Variants in SSBP3 observed in about 807,000 individuals in gnomAD.
The protein encoded by SSBP3 is single-stranded DNA-binding protein 3.
SSBP3 carries 5 observed loss-of-function variants against 69.6 expected under a neutral mutation model. That is an observed-to-expected ratio of 0.07 (90% confidence interval 0.04 to 0.15). The LOEUF is 0.15. Among genes scored for constraint, SSBP3 ranks in the 10% least tolerant of loss-of-function variants. The probability of loss-of-function intolerance (pLI) is 1.00; values close to 1 mark genes in which losing one functional copy is unlikely to be tolerated. For synonymous variants in SSBP3, 196 were observed against 193.4 expected, an observed-to-expected ratio of 1.01 and a Z score of -0.11; for missense variants, 312 against 534.0, an observed-to-expected ratio of 0.58 and a Z score of 4.10.
At position 54,378,380 on chromosome 1, in the gene SSBP3, G is replaced by A. The variant is rs1319725618; in HGVS notation, c.276+23481C>T. On this transcript the variant is annotated intron_variant, in intron 4 of 17. Transcript: ENST00000610401. ...GGTGGGGCTCTGTTACAGTTTGCGC[G>A]TCCATATTTCTGGGCCACTGCACAA... Among the ~76,000 whole-genome samples, 6 of 152,270 alleles carry A rather than the reference G, an allele frequency of 3.9e-5. No individual in the cohort carries two copies. In the East Asian group the frequency reaches 5.8e-4, roughly 15 times the overall value.
chr1:54,345,239 A>G (rs561619962), intron 4 of SSBP3, among the ~76,000 whole-genome samples: 32 of 152,318 alleles, frequency 2.1e-4, no homozygotes, highest in Non-Finnish European at 4.1e-4. Context: ...TGGCTTCTTC[A>G]TGCTTATCCA....
At chr1:54,278,148 C>T (rs1377363519) in intron 5 of SSBP3, among the ~76,000 whole-genome samples, 2 of 152,172 alleles carry the variant, frequency 1.3e-5, no homozygotes, top group Non-Finnish European at 2.9e-5. Context: ...CACCAGAACA[C>T]CACTCCTGAA....
exon 18 of SSBP3, chr1:54,226,437 T>C (rs1374512656): frequency 6.5e-6 from 1 of 153,192 alleles, no homozygotes; most frequent in African/African-American, 2.4e-5. Flanking sequence ...CTCCCCTGCC[T>C]GTTGCACAAA....
chr1:54,238,793 A>ACC, intron 14 of SSBP3: 1 of 349,056 alleles, frequency 2.9e-6, no homozygotes, highest in Non-Finnish European at 5.5e-6. Flanking sequence ...CCCGGGCCAC[A>ACC]GCCAGTTTGC....
At chr1:54,371,069 CAGA>C (rs1436634963) in intron 4 of SSBP3, among the ~76,000 whole-genome samples, 1 of 152,114 alleles carries the variant, frequency 6.6e-6, no homozygotes, top group African/African-American at 2.4e-5. Context: ...AGACTGCTGC[CAGA>C]AGACCACCCA....
At chr1:54,248,672 A>AC (rs1484811615) in intron 9 of SSBP3, among the ~76,000 whole-genome samples, 1 of 151,984 alleles carries the variant, frequency 6.6e-6, no homozygotes, top group Non-Finnish European at 1.5e-5. Context: ...GTGACCACAG[A>AC]CCCTGTAATC....
chr1:54,237,480 G>A (rs1186612418), intron 14 of SSBP3: 2 of 152,200 alleles, frequency 1.3e-5, no homozygotes, highest in Non-Finnish European at 2.9e-5. Flanking sequence ...AGACTTGAGA[G>A]ACTCAATGTC....
intron 4 of SSBP3, among the ~76,000 whole-genome samples, chr1:54,398,978 T>C (rs1013480033): frequency 3.9e-5 from 6 of 152,222 alleles, no homozygotes; most frequent in African/African-American, 1.4e-4. Flanking sequence ...TTCTAAAAAG[T>C]AGTTAAGGCA....
At chr1:54,386,561 G>C (rs1028110172) in intron 4 of SSBP3, among the ~76,000 whole-genome samples, 1 of 151,798 alleles carries the variant, frequency 6.6e-6, no homozygotes, top group African/African-American at 2.4e-5. Flanking sequence ...GGGAAGCAAC[G>C]ACACAGCATC....
intron 4 of SSBP3, among the ~76,000 whole-genome samples, chr1:54,328,854 A>G (rs1323515818): frequency 1.3e-5 from 2 of 152,206 alleles, no homozygotes; most frequent in Admixed American, 1.3e-4. Context: ...CAGGCACTGC[A>G]TCAGGAACGC....
intron 4 of SSBP3, among the ~76,000 whole-genome samples, chr1:54,391,498 C>T (rs543314828): frequency 1.3e-5 from 2 of 152,308 alleles, no homozygotes; most frequent in East Asian, 1.9e-4. Flanking sequence ...GAGCTCAAAG[C>T]GCTGCAGCAG....
intron 4 of SSBP3, among the ~76,000 whole-genome samples, chr1:54,367,008 G>A (rs980804184): frequency 1.3e-5 from 2 of 152,164 alleles, no homozygotes; most frequent in Admixed American, 1.3e-4. Flanking sequence ...AGGGAACTGT[G>A]CTATTATTTA....
intron 5 of SSBP3, among the ~76,000 whole-genome samples, chr1:54,267,159 T>C (rs1162308491): frequency 1.3e-5 from 2 of 152,186 alleles, no homozygotes; most frequent in Non-Finnish European, 2.9e-5. Context: ...ATGGCTGTGG[T>C]TGGGAAGGGC....
At chr1:54,316,661 AAAAT>A (rs201860772) in intron 4 of SSBP3, among the ~76,000 whole-genome samples, 24,693 of 60,610 alleles carry the variant, frequency 0.41, 4,196 homozygotes, top group Middle Eastern at 0.49. Context: ...AAAAAAAAAT[AAAAT>A]AAATAAATAA....
At chr1:54,348,092 T>G (rs1412839457) in intron 4 of SSBP3, among the ~76,000 whole-genome samples, 1 of 151,760 alleles carries the variant, frequency 6.6e-6, no homozygotes, top group Non-Finnish European at 1.5e-5. Context: ...GCAAACACCA[T>G]CCGGAGAGGT....
chr1:54,310,926 T>C (rs1177174474), intron 4 of SSBP3, among the ~76,000 whole-genome samples: 4 of 152,194 alleles, frequency 2.6e-5, no homozygotes, highest in Non-Finnish European at 4.4e-5. Context: ...CTTTTGGGTC[T>C]GGGTCTCCGT....
chr1:54,289,277 G>C (rs1228106430), intron 4 of SSBP3, among the ~76,000 whole-genome samples: 1 of 151,796 alleles, frequency 6.6e-6, no homozygotes, highest in Non-Finnish European at 1.5e-5. Flanking sequence ...TCACCAAGGG[G>C]TGTGTATGTG....
At chr1:54,350,075 G>A (rs911080865) in intron 4 of SSBP3, among the ~76,000 whole-genome samples, 1 of 152,068 alleles carries the variant, frequency 6.6e-6, no homozygotes, top group Non-Finnish European at 1.5e-5. Context: ...GCCAACCTGG[G>A]ACTATGAAAA....
intron 5 of SSBP3, among the ~76,000 whole-genome samples, chr1:54,281,048 C>G: frequency 6.6e-6 from 1 of 152,162 alleles, no homozygotes; most frequent in African/African-American, 2.4e-5. Context: ...ACAAAAGCAG[C>G]AGCAACAAAA....
Sources: allele counts gnomAD v4.1 joint callset (sites outside exome capture counted in the v4.1 genomes callset), GRCh38; gene constraint gnomAD v4.1.1; transcripts MANE v1.5; gene names NCBI Gene and HGNC (gene_info 2026-07-23, HGNC 2026-07-21).